Variants in EFCAB5 observed in about 807,000 individuals in gnomAD.
The protein encoded by EFCAB5 is EF-hand calcium binding domain 5.
Under a neutral mutation model 167.9 loss-of-function variants are expected in EFCAB5, and 131 were observed. The ratio of observed to expected loss-of-function variants is 0.78; its 90% CI spans 0.68 to 0.90. EFCAB5 has a LOEUF of 0.90. EFCAB5 is among the 40% of genes least tolerant of loss of function. EFCAB5 has a pLI of 0.00. For synonymous variants in EFCAB5, 574 were observed against 602.8 expected, an observed-to-expected ratio of 0.95 and a Z score of 0.70; for missense variants, 1,663 against 1,745.2, an observed-to-expected ratio of 0.95 and a Z score of 0.84.
chr17:30,038,666 T>C (rs2069688564), intron 8 of EFCAB5, among the ~76,000 whole-genome samples: 1 of 152,208 alleles, frequency 6.6e-6, no homozygotes, highest in Non-Finnish European at 1.5e-5. Context: ...GCAAAGCAAA[T>C]TGAAAATCTT....
rs1271188990 is a variant in EFCAB5 at position 30,036,070 on chromosome 17, T to C, written c.1200+1685T>C. On this transcript the variant is annotated intron_variant, in intron 8 of 22. Transcript: ENST00000394835. ...TATATTTTATATATAACCATATATTTATATATATTTTATATATAACCATAT... is the reference window on the plus strand; with the variant it reads ...TATATTTTATATATAACCATATATTCATATATATTTTATATATAACCATAT... Among the ~76,000 whole-genome samples the C allele has an allele frequency of 4.2e-5, 6 of 142,994 alleles. No homozygotes were observed. In the South Asian group the frequency reaches 1.3e-3, roughly 30 times the overall value. 93.8% of individuals were successfully genotyped at this position (142,994 alleles called of 152,430 possible).
intron 4 of EFCAB5, among the ~76,000 whole-genome samples, chr17:29,978,689 T>C (rs1268157748): frequency 3.9e-5 from 6 of 152,236 alleles, no homozygotes; most frequent in Non-Finnish European, 8.8e-5. Flanking sequence ...GTAAAATGCC[T>C]GACAAGGTGT....
rs150622132 is a variant in EFCAB5, at chr17:29,973,325, G to C, written c.767+3958G>C. 2.0e-5 allele frequency among the ~76,000 whole-genome samples: 3 copies of C among 152,228 alleles called. No individual in the cohort carries two copies. In the East Asian group the frequency reaches 5.8e-4, roughly 29 times the overall value. ...AACCTTTGGGGTGTCTTCAAAAGTG[G>C]GTAAGGCAACCTCTCCTCCCGCAAA... On this transcript the variant is annotated intron_variant, in intron 4 of 22. Coordinates refer to ENST00000394835, the MANE Select transcript of EFCAB5 (RefSeq NM_198529.4).
intron 22 of EFCAB5, among the ~76,000 whole-genome samples, chr17:30,104,047 CT>C (rs1567780867): frequency 1.3e-5 from 2 of 152,146 alleles, no homozygotes; most frequent in African/African-American, 4.8e-5. Context: ...TACACATACC[CT>C]TCTATTGCTG....
intron 5 of EFCAB5, among the ~76,000 whole-genome samples, chr17:29,993,884 C>T (rs1055303774): frequency 5.3e-5 from 8 of 151,158 alleles, no homozygotes; most frequent in African/African-American, 1.7e-4. Context: ...TTTTGGAGGC[C>T]GAGGTGGGAG....
chr17:30,045,283 C>G (rs530697486), intron 8 of EFCAB5, among the ~76,000 whole-genome samples: 46 of 151,950 alleles, frequency 3.0e-4, no homozygotes, highest in Admixed American at 8.5e-4. Context: ...ATGGCAAACA[C>G]CCTTCTCTAC....
chr17:30,016,092 G>T (rs2069034118), intron 7 of EFCAB5, among the ~76,000 whole-genome samples: 1 of 152,038 alleles, frequency 6.6e-6, no homozygotes, highest in Non-Finnish European at 1.5e-5. Context: ...TTTATTATTG[G>T]ATCATAACTG....
chr17:30,092,686 GCCA>G (rs1318781208), intron 21 of EFCAB5, among the ~76,000 whole-genome samples, 151 bp from the exon 22 acceptor site: 1 of 152,130 alleles, frequency 6.6e-6, no homozygotes, highest in Non-Finnish European at 1.5e-5. Context: ...ACCACACCCG[GCCA>G]TGGGTAACCA....
chr17:29,968,737 T>C (rs1442451974), intron 3 of EFCAB5, 54 bp from the exon 4 acceptor site: 4 of 1,357,018 alleles, frequency 2.9e-6, no homozygotes, highest in Non-Finnish European at 3.9e-6. Context: ...TAAAGTCACA[T>C]AGATTAAAAT....
At chr17:30,072,704 T>C (rs1169522150) in intron 14 of EFCAB5, among the ~76,000 whole-genome samples, 2 of 152,210 alleles carry the variant, frequency 1.3e-5, no homozygotes, top group Non-Finnish European at 2.9e-5. Context: ...ACAGAAGCAA[T>C]GCTGTGTTCT....
At position 29,993,158 on chromosome 17, in the gene EFCAB5, C is replaced by G. The variant is rs1251703686; in HGVS notation, c.768-7C>G. On this transcript the variant is annotated splice_region_variant and splice_polypyrimidine_tract_variant and intron_variant, in intron 4 of 22. Coordinates refer to ENST00000394835, the MANE Select transcript of EFCAB5 (RefSeq NM_198529.4). ...CTCAACATGTTTTCTATATCTACAT[C>G]CTGCAGAGTATCCAAGATGAAGGAG... is the stretch of plus-strand genomic sequence containing the variant. 5 of 1,602,806 alleles carry G rather than the reference C, an allele frequency of 3.1e-6. No individual in the cohort carries two copies. Among genetic ancestry groups the G allele is most frequent in the Non-Finnish European group, 4.3e-6 (5 of 1,174,272 alleles).
chr17:29,933,016 A>G (rs1444009529), intron 1 of EFCAB5, among the ~76,000 whole-genome samples: 1 of 152,226 alleles, frequency 6.6e-6, no homozygotes. Context: ...TAATTTATTT[A>G]CTAATAATTG....
At chr17:30,095,038 C>A (rs2071269799) in intron 22 of EFCAB5, among the ~76,000 whole-genome samples, 2 of 152,166 alleles carry the variant, frequency 1.3e-5, no homozygotes, top group Non-Finnish European at 2.9e-5. Context: ...CCACTTGGGA[C>A]CTCTGCTGCC....
At chr17:30,082,418 A>G in intron 17 of EFCAB5, among the ~76,000 whole-genome samples, 1 of 101,882 alleles carries the variant, frequency 9.8e-6, no homozygotes, top group Non-Finnish European at 1.8e-5. Flanking sequence ...TTTTTGTGAG[A>G]CTTGCTCTGT....
At chr17:29,938,151 C>A (rs1184187493), upstream of EFCAB5, among the ~76,000 whole-genome samples, 1 of 152,046 alleles carries the variant, frequency 6.6e-6, no homozygotes, top group African/African-American at 2.4e-5. Flanking sequence ...GGTTTGGTTC[C>A]AGACCACTAC....
At chr17:30,000,591 C>G (rs186492444) in intron 7 of EFCAB5, among the ~76,000 whole-genome samples, 3 of 152,240 alleles carry the variant, frequency 2.0e-5, no homozygotes, top group Admixed American at 1.3e-4. Flanking sequence ...TCCATTTCCC[C>G]TTGTTTTTCT....
Position 30,092,902 on chromosome 17 carries a change from A to T in EFCAB5, c.4287A>T (p.Glu1429Asp). ...TTGATCCAACTGCCAAGCATGTGGA[A>T]GTTAATGTACAGCTTATTGATGAAT... ...CAFDPTAKHV[E>D]VNVQLIDEYI... is the part of the protein sequence containing the mutation. The change falls in exon 22 of 23, where the codon GAA (glutamate) becomes GAT (aspartate). Residue 1429 changes from glutamate to aspartate, a missense_variant. Coordinates refer to ENST00000394835, the MANE Select transcript of EFCAB5 (RefSeq NM_198529.4). 1 of 1,611,948 alleles carries T rather than the reference A, an allele frequency of 6.2e-7. No homozygotes were observed.
At chr17:30,101,148 C>CA (rs2151859289) in intron 22 of EFCAB5, among the ~76,000 whole-genome samples, 1 of 152,256 alleles carries the variant, frequency 6.6e-6, no homozygotes, top group East Asian at 1.9e-4. Context: ...CCACAACACC[C>CA]AGTGAATTAG....
chr17:30,078,456 G>A lies in EFCAB5; in HGVS notation c.2979G>A (p.Gly993=), dbSNP rs1374806280. Residue 993 remains glycine, a synonymous_variant, in exon 15 of 23, where the codon GGG becomes GGA. Coordinates refer to ENST00000394835, the MANE Select transcript of EFCAB5 (RefSeq NM_198529.4). ...TCCAATGTGCTGCAGAGACAAGTGG[G>A]GTGTCCCTAGAGCCGGTGTATAGTG... The part of the protein sequence containing the change: ...HQIQCAAETS[G]VSLEPVYSET... 5.6e-6 allele frequency: 9 copies of A among 1,613,408 alleles called. No homozygotes were observed. The Admixed American group carries it at 1.5e-4, about 27-fold the overall frequency.
Sources: allele counts gnomAD v4.1 joint callset (sites outside exome capture counted in the v4.1 genomes callset), GRCh38; gene constraint gnomAD v4.1.1; transcripts MANE v1.5; gene names NCBI Gene and HGNC (gene_info 2026-07-23, HGNC 2026-07-21).